The following SLF1 variants were observed in gnomAD, a reference collection of about 807,000 sequenced individuals.
The protein encoded by SLF1 is SMC5-SMC6 complex localization factor protein 1.
A neutral mutation model predicts 123.0 loss-of-function variants in SLF1; 105 were observed. The observed-to-expected ratio is 0.85, with a 90% CI of 0.73 to 1.00. The LOEUF (loss-of-function observed/expected upper bound fraction) is 1.00. Among genes scored for constraint, SLF1 ranks in the 50% least tolerant of loss-of-function variants. The pLI is 0.00. For missense variants in SLF1, 1,239 were observed against 1,223.0 expected (o/e 1.01, Z -0.20); for synonymous variants, 434 against 406.6 (o/e 1.07, Z -0.81).
At chr5:94,624,678 CAG>C (rs1490715512) in intron 1 of SLF1, among the ~76,000 whole-genome samples, 5 of 151,964 alleles carry the variant, frequency 3.3e-5, no homozygotes, top group Non-Finnish European at 7.4e-5. Context: ...TTTTGGGTAA[CAG>C]TGTTATAACA....
At chr5:94,640,467 T>G (rs1380312256) in intron 4 of SLF1, among the ~76,000 whole-genome samples, 2 of 152,134 alleles carry the variant, frequency 1.3e-5, no homozygotes, top group Non-Finnish European at 2.9e-5. Context: ...GTGTTTGTGT[T>G]TGTGTATTTT....
At chr5:94,683,514 G>A (rs780798642) in intron 15 of SLF1, among the ~76,000 whole-genome samples, 2 of 152,184 alleles carry the variant, frequency 1.3e-5, no homozygotes, top group African/African-American at 4.8e-5. Context: ...ACTAGGTGTT[G>A]AGATTGGTGA....
In SLF1 at chr5:94,627,595, T is replaced by TATATATATATATAG. The variant is rs1744634525; in HGVS notation, c.1-1203_1-1202insGATATATATATATA. ...AAATGATGAAATTAACATATATATA[T>TATATATATATATAG]ATATATATATATATATATATATATA... On this transcript the variant is annotated intron_variant, in intron 1 of 20. Coordinates refer to ENST00000265140, the MANE Select transcript of SLF1 (RefSeq NM_032290.4). 1.6e-5 allele frequency among the ~76,000 whole-genome samples: 2 copies of TATATATATATATAG among 123,592 alleles called. 1 individual carries two copies. The highest frequency in any genetic ancestry group is 3.4e-5 in the Non-Finnish European group (2 of 59,180). The allele number at this position is 123,592 out of a possible 152,430, so 81.1% of individuals were successfully genotyped here.
chr5:94,644,554 G>A (rs544115122), intron 5 of SLF1, among the ~76,000 whole-genome samples: 2 of 152,214 alleles, frequency 1.3e-5, no homozygotes, highest in South Asian at 2.1e-4. Flanking sequence ...TCTTAAATAA[G>A]CTAAGCTACT....
At chr5:94,691,931 A>G (rs1753091096) in intron 19 of SLF1, 143 bp from the exon 20 acceptor site, 2 of 720,628 alleles carry the variant, frequency 2.8e-6, no homozygotes, top group African/African-American at 3.6e-5. Context: ...ATATGATTAC[A>G]CCCTAGACAT....
At chr5:94,672,035 T>C (rs761208085) in intron 14 of SLF1, among the ~76,000 whole-genome samples, 15 of 152,128 alleles carry the variant, frequency 9.9e-5, no homozygotes, top group East Asian at 1.9e-4. Context: ...GGAACCAGAA[T>C]GTGTTTTTTC....
intron 9 of SLF1, among the ~76,000 whole-genome samples, chr5:94,659,838 G>A (rs1748858031): frequency 6.6e-6 from 1 of 152,192 alleles, no homozygotes; most frequent in Non-Finnish European, 1.5e-5. Flanking sequence ...AGCAGTGACA[G>A]TAGTGGGATG....
chr5:94,688,559 G>A lies in SLF1; in HGVS notation c.2175G>A (p.Lys725=). 1 of 1,614,112 alleles carries A rather than the reference G, an allele frequency of 6.2e-7. No individual in the cohort carries two copies. Among genetic ancestry groups the A allele is most frequent in the Non-Finnish European group, 8.5e-7 (1 of 1,179,982 alleles). ...LGKTGVLGSG[K]IQVSKKIGQR... ...AAACTGGTGTGCTTGGGTCTGGAAAGATTCAGGTGTCAAAGAAAATAGGAC... is the reference window on the plus strand; with the variant it reads ...AAACTGGTGTGCTTGGGTCTGGAAAAATTCAGGTGTCAAAGAAAATAGGAC... The change falls in exon 17 of 21, where the codon AAG becomes AAA. Residue 725 remains lysine (K), a synonymous_variant. Coordinates refer to ENST00000265140, the MANE Select transcript of SLF1 (RefSeq NM_032290.4).
intron 4 of SLF1, among the ~76,000 whole-genome samples, chr5:94,642,291 A>G (rs574990047): frequency 8.5e-4 from 129 of 152,296 alleles, no homozygotes; most frequent in African/African-American, 2.8e-3. Flanking sequence ...CCTGCCTTCA[A>G]TCTTTTTCAT....
At chr5:94,666,157 G>A (rs541051161) in intron 12 of SLF1, 133 bp downstream of exon 12, 2 of 813,678 alleles carry the variant, frequency 2.5e-6, no homozygotes, top group East Asian at 5.9e-5. Context: ...AATATGTATT[G>A]TATTTATTGC....
chr5:94,670,307 T>A, intron 13 of SLF1, 28 bp downstream of exon 13: 1 of 1,420,370 alleles, frequency 7.0e-7, no homozygotes, highest in Non-Finnish European at 9.2e-7. Context: ...GAATAACACT[T>A]TTCTAAATTT....
rs530698144 is a variant in SLF1, at chr5:94,678,577, G to A, written c.1828-231G>A. On this transcript the variant is annotated intron_variant, in intron 14 of 20. Coordinates refer to ENST00000265140, the MANE Select transcript of SLF1 (RefSeq NM_032290.4). ...ATTAAAGTTTATTCTAAACTGTTAA[G>A]TTGTAGGTCCTTGGAAAATTTGCTT... 3.5e-5 allele frequency: 12 copies of A among 343,302 alleles called. No homozygotes were observed. The South Asian group carries it at 4.5e-4, about 13-fold the overall frequency. The allele number at this position is 343,302 out of a possible 1,614,324, so 21.3% of individuals were successfully genotyped here.
At chr5:94,685,037 A>T (rs574850688) in intron 15 of SLF1, among the ~76,000 whole-genome samples, 2 of 152,356 alleles carry the variant, frequency 1.3e-5, no homozygotes, top group East Asian at 3.9e-4. Flanking sequence ...GCAACCAGAA[A>T]TTACCAAATG....
intron 14 of SLF1, 59 bp downstream of exon 14, chr5:94,671,067 C>A: frequency 8.5e-7 from 1 of 1,177,940 alleles, no homozygotes; most frequent in Non-Finnish European, 1.2e-6. Flanking sequence ...GAATTATTTA[C>A]CTTTTCCTCT....
At chr5:94,660,819 C>T (rs1749013214) in intron 9 of SLF1, among the ~76,000 whole-genome samples, 1 of 152,178 alleles carries the variant, frequency 6.6e-6, no homozygotes, top group Admixed American at 6.5e-5. Context: ...ACAGAGGCCC[C>T]AGGCAGGTGG....
At chr5:94,667,901 C>T (rs1749991562) in intron 12 of SLF1, among the ~76,000 whole-genome samples, 1 of 151,180 alleles carries the variant, frequency 6.6e-6, no homozygotes, top group South Asian at 2.1e-4. Context: ...GGCATGTGCT[C>T]CCACGCCTGG....
chr5:94,628,818 A>T lies in SLF1; in HGVS notation c.8A>T (p.Asp3Val), dbSNP rs1744897977. 6.5e-7 allele frequency: 1 copy of T among 1,537,706 alleles called. No individual in the cohort carries two copies. The highest frequency in any genetic ancestry group is 2.1e-5 in the Admixed American group (1 of 48,184). The part of the protein sequence containing the change: ME[D>V]GTPKHIIQMT... ...TATGTTTGTATTTGTTAGATGGAAGATGGTACCCCAAAGCATATCATCCAG... is the reference window on the plus strand; with the variant it reads ...TATGTTTGTATTTGTTAGATGGAAGTTGGTACCCCAAAGCATATCATCCAG... Residue 3 changes from aspartate to valine, a missense_variant, in exon 2 of 21, where the codon GAT becomes GTT. Transcript: ENST00000265140.
At chr5:94,641,713 A>T (rs1334555485) in intron 4 of SLF1, among the ~76,000 whole-genome samples, 1 of 152,102 alleles carries the variant, frequency 6.6e-6, no homozygotes, top group African/African-American at 2.4e-5. Context: ...CTTCAGGTCG[A>T]GGGTGTGGGT....
At chr5:94,637,896 C>T (rs1008142193) in intron 4 of SLF1, among the ~76,000 whole-genome samples, 2 of 151,940 alleles carry the variant, frequency 1.3e-5, no homozygotes, top group African/African-American at 4.8e-5. Flanking sequence ...TTGAAATTCC[C>T]AGTTGTGGCA....
Sources: allele counts gnomAD v4.1 joint callset (sites outside exome capture counted in the v4.1 genomes callset), GRCh38; gene constraint gnomAD v4.1.1; transcripts MANE v1.5; gene names NCBI Gene and HGNC (gene_info 2026-07-23, HGNC 2026-07-21).